PRKN: variants seen among roughly 807,000 people sequenced by gnomAD.
PRKN encodes the protein E3 ubiquitin-protein ligase parkin.
In PRKN, 56 loss-of-function variants were observed where a neutral mutation model predicts 59.5. The ratio of observed to expected loss-of-function variants is 0.94; its 90% confidence interval spans 0.76 to 1.18. The LOEUF (loss-of-function observed/expected upper bound fraction) is 1.18. Among genes scored for constraint, PRKN ranks in the 50% most tolerant of loss-of-function variants. The pLI is 0.00. For synonymous variants in PRKN, 250 were observed against 222.1 expected (o/e 1.13, Z -1.12); for missense variants, 657 against 596.4 (o/e 1.10, Z -1.06).
intron 6 of PRKN, among the ~76,000 whole-genome samples, chr6:161,855,159 T>C (rs1049735664): frequency 2.0e-5 from 3 of 151,310 alleles, no homozygotes; most frequent in African/African-American, 4.9e-5. Context: ...CAGAACCACC[T>C]GGAGAACTTT....
intron 9 of PRKN, among the ~76,000 whole-genome samples, chr6:161,425,509 C>T (rs564136820): frequency 1.2e-4 from 18 of 148,024 alleles, no homozygotes; most frequent in South Asian, 6.5e-4. Context: ...GTCCGTGGTC[C>T]GATTGGTGTC....
chr6:161,658,384 C>G lies in PRKN; in HGVS notation c.872-88968G>C, dbSNP rs138495220. On this transcript the variant is annotated intron_variant, in intron 7 of 11. Transcript: ENST00000366898. ...GCTGGTCTTTCAACCACAATTACCC[C>G]CTCTCAGTCCAGTGACTTATAACAC... Among the ~76,000 whole-genome samples the G allele has an allele frequency of 3.3e-4, 50 of 152,218 alleles. 1 individual carries two copies. Among genetic ancestry groups the G allele is most frequent in the Admixed American group, 3.2e-3 (49 of 15,282 alleles).
chr6:162,419,335 G>A (rs1209741109), intron 2 of PRKN, among the ~76,000 whole-genome samples: 2 of 152,160 alleles, frequency 1.3e-5, no homozygotes, highest in Admixed American at 6.5e-5. Context: ...ATATTGCAAA[G>A]TGTTCAACTT....
intron 6 of PRKN, among the ~76,000 whole-genome samples, chr6:161,851,906 G>C (rs1171785519): frequency 1.3e-5 from 2 of 149,732 alleles, no homozygotes; most frequent in Non-Finnish European, 2.9e-5. Context: ...GGCCAACATG[G>C]CGAAAACATA....
chr6:162,089,058 C>A (rs1291720398), intron 4 of PRKN, among the ~76,000 whole-genome samples: 1 of 152,158 alleles, frequency 6.6e-6, no homozygotes, highest in Non-Finnish European at 1.5e-5. Flanking sequence ...CATATACACA[C>A]TGAACTACAA....
chr6:162,635,472 A>C (rs973705725), intron 1 of PRKN, among the ~76,000 whole-genome samples: 1 of 152,222 alleles, frequency 6.6e-6, no homozygotes, highest in South Asian at 2.1e-4. Flanking sequence ...TTGATTTTAT[A>C]TGAGACTGTT....
At chr6:161,571,443 TTGTC>T (rs1254833020) in intron 7 of PRKN, among the ~76,000 whole-genome samples, 2 of 152,168 alleles carry the variant, frequency 1.3e-5, no homozygotes, top group Non-Finnish European at 2.9e-5. Context: ...CTGAGAGTGT[TTGTC>T]TGGGGGAGGG....
chr6:161,633,212 G>C (rs953387237), intron 7 of PRKN, among the ~76,000 whole-genome samples: 12 of 152,214 alleles, frequency 7.9e-5, no homozygotes, highest in African/African-American at 2.9e-4. Flanking sequence ...TCCCAAAGGA[G>C]ATAATTTAGT....
chr6:162,511,641 A>G (rs1004390168), intron 1 of PRKN, among the ~76,000 whole-genome samples: 2 of 152,170 alleles, frequency 1.3e-5, no homozygotes, highest in African/African-American at 4.8e-5. Context: ...TAAAGAGATC[A>G]TACTAATAAA....
intron 9 of PRKN, among the ~76,000 whole-genome samples, chr6:161,455,228 G>A (rs548052900): frequency 2.4e-4 from 36 of 151,870 alleles, no homozygotes; most frequent in African/African-American, 8.0e-4. Flanking sequence ...TAGTAGAGAC[G>A]GAGTTTCACA....
intron 4 of PRKN, among the ~76,000 whole-genome samples, chr6:162,061,216 TCA>T (rs777081599): frequency 6.6e-6 from 1 of 152,186 alleles, no homozygotes; most frequent in Admixed American, 6.5e-5. Flanking sequence ...AATACCTACT[TCA>T]CAGAGTGTGC....
chr6:162,036,240 C>T (rs573806930), intron 5 of PRKN, among the ~76,000 whole-genome samples: 2 of 151,708 alleles, frequency 1.3e-5, no homozygotes, highest in Non-Finnish European at 2.9e-5. Flanking sequence ...AGGAGAATGG[C>T]GTGAACCCGG....
intron 5 of PRKN, among the ~76,000 whole-genome samples, chr6:162,023,027 G>T (rs1783270105): frequency 6.6e-6 from 1 of 152,150 alleles, no homozygotes. Flanking sequence ...GTCCATTTTT[G>T]TACCAGTATT....
At chr6:162,500,169 CTTCT>C (rs1583676821) in intron 1 of PRKN, among the ~76,000 whole-genome samples, 1 of 139,506 alleles carries the variant, frequency 7.2e-6, no homozygotes, top group Admixed American at 7.5e-5. Flanking sequence ...TTTCTCTTTT[CTTCT>C]TTTTTTTTTT....
At chr6:161,772,975 G>A (rs1789757886) in intron 7 of PRKN, among the ~76,000 whole-genome samples, 1 of 152,142 alleles carries the variant, frequency 6.6e-6, no homozygotes. Context: ...AAAGTTAAAA[G>A]CAGGCAAAAA....
At chr6:162,116,627 C>G (rs1165193253) in intron 4 of PRKN, among the ~76,000 whole-genome samples, 1 of 152,112 alleles carries the variant, frequency 6.6e-6, no homozygotes, top group African/African-American at 2.4e-5. Context: ...GTACTGTGTG[C>G]CTGTCACTAC....
At chr6:162,214,674 A>G (rs1331056439) in intron 3 of PRKN, among the ~76,000 whole-genome samples, 3 of 152,274 alleles carry the variant, frequency 2.0e-5, no homozygotes, top group African/African-American at 4.8e-5. Context: ...AGTGAAACAG[A>G]TAACACCCAA....
chr6:162,033,635 C>G (rs1317401289), intron 5 of PRKN, among the ~76,000 whole-genome samples: 1 of 152,136 alleles, frequency 6.6e-6, no homozygotes, highest in Non-Finnish European at 1.5e-5. Context: ...TTCCTGAGTT[C>G]TAATCATTCC....
intron 7 of PRKN, among the ~76,000 whole-genome samples, chr6:161,692,010 G>T (rs974404413): frequency 6.6e-6 from 1 of 151,108 alleles, no homozygotes; most frequent in Non-Finnish European, 1.5e-5. Flanking sequence ...TCCTGAATTT[G>T]TGCTCAATTT....
Sources: allele counts gnomAD v4.1 joint callset (sites outside exome capture counted in the v4.1 genomes callset), GRCh38; gene constraint gnomAD v4.1.1; transcripts MANE v1.5; gene names NCBI Gene and HGNC (gene_info 2026-07-23, HGNC 2026-07-21).